AEBP2: variants seen among roughly 807,000 people sequenced by gnomAD.
AEBP2 encodes the protein AE binding protein 2.
In AEBP2, 10 loss-of-function variants were observed where a neutral mutation model predicts 50.8. That is an observed-to-expected ratio of 0.20 (90% CI 0.12 to 0.33). AEBP2 has a LOEUF of 0.33. Among genes scored for constraint, AEBP2 ranks in the 10% least tolerant of loss-of-function variants. The pLI, the probability that AEBP2 is intolerant of heterozygous loss-of-function variation, is 1.00. For synonymous variants in AEBP2, 296 were observed against 261.3 expected (o/e 1.13, Z -1.28); for missense variants, 570 against 688.0 (o/e 0.83, Z 1.92).
At chr12:19,451,124 G>C (rs1425916435) in intron 1 of AEBP2, among the ~76,000 whole-genome samples, 1 of 152,150 alleles carries the variant, frequency 6.6e-6, no homozygotes, top group Non-Finnish European at 1.5e-5. Flanking sequence ...CATTGTTCCA[G>C]TTATTATGGC....
At chr12:19,429,124 C>G (rs1212772909) in intron 1 of AEBP2, among the ~76,000 whole-genome samples, 1 of 152,154 alleles carries the variant, frequency 6.6e-6, no homozygotes, top group Non-Finnish European at 1.5e-5. Flanking sequence ...CTATCCCTCC[C>G]CAATCCTCTC....
chr12:19,457,734 C>G (rs1198149193), intron 1 of AEBP2: 2 of 775,032 alleles, frequency 2.6e-6, no homozygotes, highest in Non-Finnish European at 3.6e-6. Flanking sequence ...TCAGAGAGAT[C>G]TTTTCGGTTC....
At chr12:19,509,087 A>G (rs541706429) in intron 5 of AEBP2, 6 of 569,472 alleles carry the variant, frequency 1.1e-5, no homozygotes, top group Non-Finnish European at 1.6e-5. Context: ...TGTGAGACCT[A>G]AAGTTCTTAA....
At chr12:19,469,424 G>C (rs546310323) in intron 2 of AEBP2, among the ~76,000 whole-genome samples, 1 of 152,254 alleles carries the variant, frequency 6.6e-6, no homozygotes, top group East Asian at 1.9e-4. Flanking sequence ...CGTGTGCTCA[G>C]AGTATTTCTG....
intron 6 of AEBP2, among the ~76,000 whole-genome samples, chr12:19,514,167 T>G (rs1289025524): frequency 1.3e-5 from 2 of 151,944 alleles, no homozygotes; most frequent in Non-Finnish European, 2.9e-5. Flanking sequence ...GCCCAGCTAA[T>G]TTTTGTATTT....
chr12:19,436,268 T>A (rs1947860654), upstream of AEBP2, among the ~76,000 whole-genome samples: 1 of 152,136 alleles, frequency 6.6e-6, no homozygotes, highest in Non-Finnish European at 1.5e-5. Context: ...TACCCTATCG[T>A]CTAAAAAATG....
chr12:19,465,791 C>CTTTTTTTT (rs11284427), intron 2 of AEBP2, among the ~76,000 whole-genome samples: 1 of 107,686 alleles, frequency 9.3e-6, no homozygotes, highest in African/African-American at 3.6e-5. Context: ...ATTGTTTTTT[C>CTTTTTTTT]TTTTTTTTTT....
intron 3 of AEBP2, among the ~76,000 whole-genome samples, chr12:19,485,689 A>T (rs1948796940): frequency 7.2e-6 from 1 of 138,768 alleles, no homozygotes; most frequent in Non-Finnish European, 1.6e-5. Flanking sequence ...TGACAGAGAG[A>T]GAGAGAGAGA....
intron 7 of AEBP2, among the ~76,000 whole-genome samples, chr12:19,515,768 C>A (rs1949308327): frequency 6.6e-6 from 1 of 152,130 alleles, no homozygotes. Context: ...ACATAATGGG[C>A]ATTGCTATGT....
chr12:19,476,275 A>G (rs1345231314), intron 3 of AEBP2, among the ~76,000 whole-genome samples: 2 of 152,106 alleles, frequency 1.3e-5, no homozygotes, highest in African/African-American at 4.8e-5. Flanking sequence ...TCATTCTTCT[A>G]CATGTGGCTT....
At chr12:19,448,353 C>T (rs570109811) in intron 1 of AEBP2, among the ~76,000 whole-genome samples, 111 of 152,138 alleles carry the variant, frequency 7.3e-4, no homozygotes, top group South Asian at 2.1e-3. Flanking sequence ...AAAAATTAGG[C>T]GCATGCCTGT....
At chr12:19,437,621 G>A (rs1371272219), upstream of AEBP2, among the ~76,000 whole-genome samples, 1 of 152,170 alleles carries the variant, frequency 6.6e-6, no homozygotes, top group South Asian at 2.1e-4. Flanking sequence ...GGGATTACAG[G>A]TATAAGCCAC....
chr12:19,439,645 C>A lies in AEBP2; in HGVS notation c.-55C>A. The A allele has an allele frequency of 6.7e-7, 1 of 1,496,290 alleles. No homozygotes were observed. The highest frequency in any genetic ancestry group is 8.9e-7 in the Non-Finnish European group (1 of 1,128,808). The allele number at this position is 1,496,290 out of a possible 1,614,324, so 92.7% of individuals were successfully genotyped here. A position where few individuals can be genotyped will look rare whatever the true frequency, so the allele number is the denominator to read the frequency against. ...GGGAGGGGGGCGAGGGAGAGAGAGT[C>A]GAGAGAGGGAGGCGGCGGTGGGGAG... On this transcript the variant is annotated 5_prime_UTR_variant, in exon 1 of 8. Coordinates refer to ENST00000266508, the MANE Select transcript of AEBP2 (RefSeq NM_153207.5).
At position 19,440,064 on chromosome 12, in the gene AEBP2, C is replaced by T; in HGVS notation, c.365C>T (p.Ala122Val). ...SSGGGEEESS[A>V]ESLVGSSGGS... The stretch of plus-strand genomic sequence containing the variant: ...GGCGGGGGTGAGGAGGAGAGTAGCG[C>T]CGAGAGCCTGGTGGGCAGCAGCGGC... The change falls in exon 1 of 8, where the codon GCC becomes GTC. Residue 122 changes from alanine to valine, a missense_variant. Ala to Val is a moderately conservative substitution (Grantham distance 64). This residue lies in a region of AEBP2 where 386 missense variants were observed against 336.8 expected (regional missense o/e 1.15). Transcript: ENST00000266508. 1 of 1,515,730 alleles carries T rather than the reference C, an allele frequency of 6.6e-7. No homozygotes were observed. The highest frequency in any genetic ancestry group is 8.8e-7 in the Non-Finnish European group (1 of 1,137,770). 93.9% of individuals were successfully genotyped at this position (1,515,730 alleles called of 1,614,324 possible).
chr12:19,492,790 A>AT (rs959180336), intron 3 of AEBP2, among the ~76,000 whole-genome samples: 2 of 152,068 alleles, frequency 1.3e-5, no homozygotes, highest in Admixed American at 6.5e-5. Context: ...AACATGGTGA[A>AT]ACCCCCTTTT....
chr12:19,482,418 C>T (rs1948743910), intron 3 of AEBP2, among the ~76,000 whole-genome samples: 1 of 152,192 alleles, frequency 6.6e-6, no homozygotes, highest in Non-Finnish European at 1.5e-5. Flanking sequence ...AATGTGGACA[C>T]ACTCAGGACC....
intron 1 of AEBP2, among the ~76,000 whole-genome samples, chr12:19,451,748 T>C (rs1948169674): frequency 6.6e-6 from 1 of 151,610 alleles, no homozygotes; most frequent in African/African-American, 2.4e-5. Context: ...TGGAGTACAG[T>C]GGCTGTTCAC....
At chr12:19,497,352 T>TTTTTTTG (rs71067031) in intron 4 of AEBP2, among the ~76,000 whole-genome samples, 1 of 144,916 alleles carries the variant, frequency 6.9e-6, no homozygotes, top group African/African-American at 2.5e-5. Context: ...TTTTTTTTTT[T>TTTTTTTG]GAGACAGAGT....
intron 1 of AEBP2, among the ~76,000 whole-genome samples, chr12:19,405,895 G>A (rs1230625646): frequency 6.6e-6 from 1 of 151,564 alleles, no homozygotes; most frequent in Non-Finnish European, 1.5e-5. Context: ...TCCACCTCCC[G>A]AGTTCAAGTG....
Sources: allele counts gnomAD v4.1 joint callset (sites outside exome capture counted in the v4.1 genomes callset), GRCh38; gene constraint gnomAD v4.1.1; regional missense constraint gnomAD v4.1.1; transcripts MANE v1.5; gene names NCBI Gene and HGNC (gene_info 2026-07-23, HGNC 2026-07-21).